ZBBX: variants seen among roughly 807,000 people sequenced by gnomAD.
The protein encoded by ZBBX is zinc finger B-box domain containing, also known as zinc finger B-box domain-containing protein 1.
Under a neutral mutation model 108.5 loss-of-function variants are expected in ZBBX, and 101 were observed. That is an observed-to-expected ratio of 0.93 (90% confidence interval 0.79 to 1.10). The LOEUF (loss-of-function observed/expected upper bound fraction) is 1.10, where lower values mean the gene tolerates loss of function less well. Ranked by LOEUF, ZBBX falls within the 50% of genes least tolerant of loss-of-function variation. The pLI is 0.00. For synonymous variants in ZBBX, 356 were observed against 323.4 expected, an observed-to-expected ratio of 1.10 and a Z score of -1.08; for missense variants, 1,009 against 941.4, an observed-to-expected ratio of 1.07 and a Z score of -0.94.
rs1720542007 is a variant in ZBBX, at chr3:167,240,865, A to G, written c.2448T>C (p.Ser816=). 1 of 1,613,552 alleles carries G rather than the reference A, an allele frequency of 6.2e-7. No individual in the cohort carries two copies. The highest frequency in any genetic ancestry group is 8.5e-7 in the Non-Finnish European group (1 of 1,179,566). Residue 816 remains serine, a synonymous_variant, in exon 22 of 22, where the codon AGT becomes AGC. Transcript: ENST00000675490. ...GAAAATCTTCCTCCTCCTCATCTGT[A>G]CTGCTCTCAGAAAGTGACAGCAAAG... ...IQSLLSLSES[S]TDEEEEDFLN...
chr3:167,226,930 C>T, the ZBBX span, among the ~76,000 whole-genome samples: 1 of 151,692 alleles, frequency 6.6e-6, no homozygotes, highest in African/African-American at 2.4e-5. Flanking sequence ...ATTTCATCAG[C>T]CTGTATCTTT....
intron 10 of ZBBX, 147 bp downstream of exon 10, chr3:167,333,680 G>A: frequency 1.6e-6 from 1 of 628,702 alleles, no homozygotes; most frequent in Non-Finnish European, 2.5e-6. Context: ...TAGTCAAGAT[G>A]TATTTGGTTA....
At chr3:167,312,053 T>C (rs1390770244) in intron 16 of ZBBX, among the ~76,000 whole-genome samples, 2 of 152,200 alleles carry the variant, frequency 1.3e-5, no homozygotes, top group East Asian at 1.9e-4. Flanking sequence ...AATAGGTGAA[T>C]TGATAAATAA....
chr3:167,222,954 C>T, the ZBBX span, among the ~76,000 whole-genome samples: 71 of 151,984 alleles, frequency 4.7e-4, no homozygotes, highest in Middle Eastern at 0.01. Flanking sequence ...GTTGCCAACA[C>T]ATAGAAATGA....
chr3:167,186,088 C>A, the ZBBX span, among the ~76,000 whole-genome samples: 2 of 151,794 alleles, frequency 1.3e-5, no homozygotes, highest in Non-Finnish European at 2.9e-5. Flanking sequence ...TTTCTGCTCA[C>A]AATTGAAGCT....
the ZBBX span, among the ~76,000 whole-genome samples, chr3:167,205,049 C>T: frequency 6.6e-6 from 1 of 151,966 alleles, no homozygotes; most frequent in Non-Finnish European, 1.5e-5. Context: ...GACATGGTGA[C>T]AATATGGGGG....
Position 167,328,027 on chromosome 3 carries a change from T to C in ZBBX, c.777A>G (p.Ala259=). The part of the protein sequence containing the change: ...CEGSFDEEAS[A]QSFQEVLSQW... ...GACTTAACACTTCCTGAAAGGACTGTGCAGAAGCTTCTTCATCGAATGACC... is the reference window on the plus strand; with the variant it reads ...GACTTAACACTTCCTGAAAGGACTGCGCAGAAGCTTCTTCATCGAATGACC... The change falls in exon 11 of 22, where the codon GCA becomes GCG. Residue 259 remains alanine (A), a synonymous_variant. Transcript: ENST00000675490. 1 of 1,613,964 alleles carries C rather than the reference T, an allele frequency of 6.2e-7. No homozygotes were observed. Among genetic ancestry groups the C allele is most frequent in the African/African-American group, 1.3e-5 (1 of 75,004 alleles).
intron 9 of ZBBX, among the ~76,000 whole-genome samples, chr3:167,346,324 A>G (rs1741447336): frequency 6.6e-6 from 1 of 151,904 alleles, no homozygotes; most frequent in Non-Finnish European, 1.5e-5. Flanking sequence ...GTACAAATCA[A>G]TCATAAATCA....
chr3:167,267,108 A>G (rs1725653356), intron 20 of ZBBX, among the ~76,000 whole-genome samples: 1 of 152,224 alleles, frequency 6.6e-6, no homozygotes, highest in African/African-American at 2.4e-5. Flanking sequence ...GTGAATGGTA[A>G]CAATTACCAC....
chr3:167,297,674 A>G (rs1347990291), intron 18 of ZBBX, among the ~76,000 whole-genome samples: 1 of 152,038 alleles, frequency 6.6e-6, no homozygotes, highest in East Asian at 1.9e-4. Flanking sequence ...AGGAACTCCT[A>G]TAACTCAACA....
chr3:167,313,237 C>T (rs1316569518), intron 16 of ZBBX, among the ~76,000 whole-genome samples: 1 of 152,102 alleles, frequency 6.6e-6, no homozygotes, highest in East Asian at 1.9e-4. Context: ...TAGGGAACTA[C>T]TAGTAATAGC....
Position 167,399,836 on chromosome 3 carries a change from A to G in ZBBX, c.-446+7890T>C, listed in dbSNP as rs562258090. On this transcript the variant is annotated intron_variant, in intron 1 of 21. Coordinates refer to the ZBBX transcript ENST00000455345. ...GTAGTGAACATATTACCCAATAGGT[A>G]GTTTTTCTAGCCCTATTCCCCCTCC... Among the ~76,000 whole-genome samples the G allele has an allele frequency of 1.8e-4, 27 of 152,220 alleles. No individual in the cohort carries two copies. The East Asian group carries it at 5.0e-3, about 28-fold the overall frequency.
intron 20 of ZBBX, among the ~76,000 whole-genome samples, chr3:167,279,898 A>G (rs1254283477): frequency 2.6e-5 from 4 of 152,102 alleles, no homozygotes; most frequent in Non-Finnish European, 4.4e-5. Context: ...ACCAAAACAG[A>G]GATATATATC....
rs1405416715 is a variant in ZBBX at position 167,240,630 on chromosome 3, C to T, written c.*163G>A. The T allele has an allele frequency of 3.0e-6, 2 of 677,692 alleles. No individual in the cohort carries two copies. Among genetic ancestry groups the T allele is most frequent in the Admixed American group, 6.3e-5 (2 of 31,498 alleles). 42.0% of individuals were successfully genotyped at this position (677,692 alleles called of 1,614,324 possible). ...ATAATATATCATTGGAAGAATAAGC[C>T]CTTGAACTTATAATTTTACTTTTAT... On this transcript the variant is annotated 3_prime_UTR_variant, in exon 22 of 22. Transcript: ENST00000675490.
intron 10 of ZBBX, among the ~76,000 whole-genome samples, chr3:167,330,865 G>GAGA (rs1181965946): frequency 4.6e-5 from 1 of 21,822 alleles, no homozygotes; most frequent in African/African-American, 1.4e-4. Flanking sequence ...GGAGGAGGAG[G>GAGA]AGGAGGAGAA....
At chr3:167,298,033 T>C (rs1731977733) in intron 18 of ZBBX, among the ~76,000 whole-genome samples, 1 of 152,048 alleles carries the variant, frequency 6.6e-6, no homozygotes, top group Non-Finnish European at 1.5e-5. Flanking sequence ...CTTTTATTTA[T>C]AAATTATGTA....
rs114253648 is a variant in ZBBX, at chr3:167,344,939, G to A, written c.528+5481C>T. Among the ~76,000 whole-genome samples the A allele has an allele frequency of 6.3e-3, 956 of 151,982 alleles. 6 individuals are homozygous for A. The highest frequency in any genetic ancestry group is 0.022 in the African/African-American group (928 of 41,506). On this transcript the variant is annotated intron_variant, in intron 9 of 21. Transcript: ENST00000675490. ...TTTATCTGTTTCCCAGGGAAAGGGCGAGAAAGTTAATTAAAGGTCAAATGC... is the reference window on the plus strand; with the variant it reads ...TTTATCTGTTTCCCAGGGAAAGGGCAAGAAAGTTAATTAAAGGTCAAATGC...
chr3:167,308,840 C>A (rs1012784720), intron 16 of ZBBX, among the ~76,000 whole-genome samples: 1 of 152,090 alleles, frequency 6.6e-6, no homozygotes, highest in Non-Finnish European at 1.5e-5. Context: ...GGAAAAATCA[C>A]TAATGGGTGC....
intron 6 of ZBBX, 50 bp downstream of exon 6, chr3:167,365,836 A>G: frequency 7.2e-7 from 1 of 1,383,178 alleles, no homozygotes; most frequent in Non-Finnish European, 1.0e-6. Flanking sequence ...CTAAAAAAGA[A>G]TATCTTCTTG....
Sources: gnomAD v4.1 joint callset for allele counts (sites outside exome capture counted in the v4.1 genomes callset) on GRCh38, gnomAD v4.1.1 for gene constraint, MANE v1.5 for transcripts, NCBI Gene and HGNC (gene_info 2026-07-23, HGNC 2026-07-21) for gene names.